Variants in CDH8 observed in about 807,000 individuals in gnomAD.
The protein encoded by CDH8 is cadherin 8.
CDH8 carries 17 observed loss-of-function variants against 68.1 expected under a neutral mutation model. The observed-to-expected ratio is 0.25, with a 90% CI of 0.17 to 0.37. The LOEUF is 0.37. Among genes scored for constraint, CDH8 ranks in the 10% least tolerant of loss-of-function variants. The pLI is 1.00. For synonymous variants in CDH8, 372 were observed against 365.1 expected, an observed-to-expected ratio of 1.02 and a Z score of -0.21; for missense variants, 763 against 999.3, an observed-to-expected ratio of 0.76 and a Z score of 3.19.
At chr16:61,666,178 C>CTGTGTGTG (rs370163800) in intron 10 of CDH8, among the ~76,000 whole-genome samples, 10,313 of 143,886 alleles carry the variant, frequency 0.072, 363 homozygotes, top group Non-Finnish European at 0.088. Flanking sequence ...AGCACATACT[C>CTGTGTGTG]TGTGTGTGTG....
chr16:61,779,842 A>G (rs1263394180), intron 8 of CDH8, among the ~76,000 whole-genome samples: 1 of 152,090 alleles, frequency 6.6e-6, no homozygotes, highest in African/African-American at 2.4e-5. Context: ...GCACAGAAAA[A>G]CCGTTTCGTT....
At chr16:61,737,482 A>G (rs1190321689) in intron 8 of CDH8, among the ~76,000 whole-genome samples, 2 of 152,184 alleles carry the variant, frequency 1.3e-5, no homozygotes, top group African/African-American at 4.8e-5. Context: ...GTAAGCTTAA[A>G]ATAAAATTGA....
intron 8 of CDH8, among the ~76,000 whole-genome samples, chr16:61,756,782 G>C (rs781664472): frequency 1.4e-4 from 22 of 152,036 alleles, no homozygotes; most frequent in Non-Finnish European, 2.1e-4. Context: ...ATTGACCCTG[G>C]CATATGTCCC....
At chr16:61,722,045 C>CATTT (rs1216635139) in intron 9 of CDH8, among the ~76,000 whole-genome samples, 1 of 150,766 alleles carries the variant, frequency 6.6e-6, no homozygotes, top group Non-Finnish European at 1.5e-5. Flanking sequence ...GTTACAGCTT[C>CATTT]CTAAATGTGC....
intron 4 of CDH8, among the ~76,000 whole-genome samples, chr16:61,850,235 G>A (rs1962910694): frequency 6.6e-6 from 1 of 151,986 alleles, no homozygotes; most frequent in Non-Finnish European, 1.5e-5. Flanking sequence ...GGCAAGACAG[G>A]GAGCAAGAAA....
chr16:61,841,485 A>T (rs1962682258), intron 4 of CDH8, among the ~76,000 whole-genome samples: 1 of 152,196 alleles, frequency 6.6e-6, no homozygotes, highest in Non-Finnish European at 1.5e-5. Flanking sequence ...AAAACAATTG[A>T]ACTCATGAAC....
chr16:61,682,771 T>C (rs1448538032), intron 10 of CDH8, among the ~76,000 whole-genome samples: 4 of 151,956 alleles, frequency 2.6e-5, no homozygotes, highest in South Asian at 2.1e-4. Flanking sequence ...ATTTACAGAA[T>C]AGCAATTGCC....
intron 9 of CDH8, among the ~76,000 whole-genome samples, chr16:61,714,719 T>C (rs1964691530): frequency 6.6e-6 from 1 of 151,670 alleles, no homozygotes; most frequent in South Asian, 2.1e-4. Flanking sequence ...TTTGTATTTA[T>C]GATTCTGTGA....
chr16:61,684,604 T>A (rs561998418), intron 10 of CDH8, among the ~76,000 whole-genome samples: 4 of 152,144 alleles, frequency 2.6e-5, no homozygotes, highest in African/African-American at 9.6e-5. Context: ...ACTAGACACA[T>A]AACACATTAC....
Position 62,000,765 on chromosome 16 carries a change from A to C in CDH8, c.252+20387T>G, listed in dbSNP as rs149656724. Among the ~76,000 whole-genome samples, 53 of 152,328 alleles carry C rather than the reference A, an allele frequency of 3.5e-4. No individual in the cohort carries two copies. In the East Asian group the frequency reaches 9.9e-3, roughly 28 times the overall value. Reference sequence around the variant, plus strand: ...GCTGTTTCTTAATATGGTTGCTGATAAAATTTAACATGTTATTTTCTCATG... The same window carrying C: ...GCTGTTTCTTAATATGGTTGCTGATCAAATTTAACATGTTATTTTCTCATG... On this transcript the variant is annotated intron_variant, in intron 2 of 11. Coordinates refer to ENST00000577390, the MANE Select transcript of CDH8 (RefSeq NM_001796.5).
chr16:61,741,583 T>C (rs1959873185), intron 8 of CDH8, among the ~76,000 whole-genome samples: 1 of 152,154 alleles, frequency 6.6e-6, no homozygotes, highest in African/African-American at 2.4e-5. Context: ...GTTCAGTTTT[T>C]TTCCACTTGC....
chr16:61,935,335 A>G (rs1466753085), intron 2 of CDH8, among the ~76,000 whole-genome samples: 1 of 152,182 alleles, frequency 6.6e-6, no homozygotes, highest in Non-Finnish European at 1.5e-5. Flanking sequence ...TAACCAATAT[A>G]TTTTCATTAA....
At position 61,817,532 on chromosome 16, in the gene CDH8, G is replaced by A. The variant is rs531546217; in HGVS notation, c.1224C>T (p.Ser408=). The change falls in exon 7 of 12, where the codon TCC becomes TCT. Residue 408 remains serine (S), a synonymous_variant. Coordinates refer to ENST00000577390, the MANE Select transcript of CDH8 (RefSeq NM_001796.5). The part of the protein sequence containing the change: ...LEVHENAALN[S]VIGQVTARDP... ...CACGAGCAGTCACTTGCCCAATCACGGAGTTTAGAGCAGCATTTTCATGAA... is the reference window on the plus strand; with the variant it reads ...CACGAGCAGTCACTTGCCCAATCACAGAGTTTAGAGCAGCATTTTCATGAA... The A allele has an allele frequency of 4.3e-6, 7 of 1,613,852 alleles. No individual in the cohort carries two copies. The highest frequency in any genetic ancestry group is 2.7e-5 in the African/African-American group (2 of 74,980).
intron 2 of CDH8, among the ~76,000 whole-genome samples, chr16:61,950,235 A>AT (rs963705923): frequency 1.3e-5 from 2 of 151,788 alleles, no homozygotes; most frequent in Admixed American, 6.6e-5. Context: ...TCTCAAATGA[A>AT]TTTTTTTTTC....
At chr16:61,857,585 A>C (rs1303335921) in intron 3 of CDH8, among the ~76,000 whole-genome samples, 1 of 152,180 alleles carries the variant, frequency 6.6e-6, no homozygotes, top group African/African-American at 2.4e-5. Flanking sequence ...ATAATATAAT[A>C]TACCATGTCA....
intron 10 of CDH8, among the ~76,000 whole-genome samples, chr16:61,685,668 A>G (rs183604982): frequency 2.8e-4 from 43 of 152,150 alleles, no homozygotes; most frequent in Middle Eastern, 6.8e-3. Flanking sequence ...AGTGCTTAAC[A>G]TAGACCAGGC....
chr16:61,662,822 G>C (rs919926577), intron 10 of CDH8, among the ~76,000 whole-genome samples: 4 of 151,740 alleles, frequency 2.6e-5, no homozygotes, highest in Admixed American at 2.6e-4. Flanking sequence ...CATGGATTTT[G>C]ATATCCACAG....
intron 10 of CDH8, among the ~76,000 whole-genome samples, chr16:61,665,439 T>C (rs929398905): frequency 4.0e-5 from 6 of 151,752 alleles, no homozygotes; most frequent in Non-Finnish European, 5.9e-5. Context: ...CACTCATAAG[T>C]GGGATTTGAA....
chr16:61,976,694 G>C (rs186634648), intron 2 of CDH8, among the ~76,000 whole-genome samples: 2 of 152,126 alleles, frequency 1.3e-5, no homozygotes, highest in Admixed American at 6.5e-5. Flanking sequence ...TATTAAGAAG[G>C]ACAGTTTATA....
Sources: gnomAD v4.1 joint callset for allele counts (sites outside exome capture counted in the v4.1 genomes callset) on GRCh38, gnomAD v4.1.1 for gene constraint, MANE v1.5 for transcripts, NCBI Gene and HGNC (gene_info 2026-07-23, HGNC 2026-07-21) for gene names.